MDGA1: variants seen among roughly 807,000 people sequenced by gnomAD.
The protein encoded by MDGA1 is MAM domain-containing glycosylphosphatidylinositol anchor protein 1.
A neutral mutation model predicts 101.5 loss-of-function variants in MDGA1; 54 were observed. That is an observed-to-expected ratio of 0.53 (90% CI 0.43 to 0.67). The LOEUF is 0.67. Among genes scored for constraint, MDGA1 ranks in the 30% least tolerant of loss-of-function variants. The probability of loss-of-function intolerance (pLI) is 0.00; values close to 1 mark genes in which losing one functional copy is unlikely to be tolerated. For synonymous variants in MDGA1, 533 were observed against 558.3 expected (o/e 0.95, Z 0.64); for missense variants, 1,083 against 1,323.8 (o/e 0.82, Z 2.82).
Position 37,664,097 on chromosome 6 carries a change from T to C in MDGA1, c.77A>G (p.Gln26Arg). ...CTGGCCCGCATGCACGATCTGCGCC[T>C]GGGCTGGAGCTGGCAGGAGAGGATG... Reference protein sequence around the residue: ...CRGQGVYAPAQAQIVHAGQAC... With the variant: ...CRGQGVYAPARAQIVHAGQAC... Residue 26 changes from glutamine (Q) to arginine (R), a missense_variant, in exon 2 of 17, where the codon CAG becomes CGG. Coordinates refer to ENST00000434837, the MANE Select transcript of MDGA1 (RefSeq NM_153487.4). 1 of 1,613,858 alleles carries C rather than the reference T, an allele frequency of 6.2e-7. No individual in the cohort carries two copies. The highest frequency in any genetic ancestry group is 8.5e-7 in the Non-Finnish European group (1 of 1,179,854).
At chr6:37,642,149 A>G (rs996668514) in intron 14 of MDGA1, among the ~76,000 whole-genome samples, 9 of 140,530 alleles carry the variant, frequency 6.4e-5, no homozygotes, top group South Asian at 2.2e-4. Flanking sequence ...ATATATATGT[A>G]TATATATATA....
At chr6:37,685,917 G>A (rs1762187754) in intron 1 of MDGA1, among the ~76,000 whole-genome samples, 1 of 152,100 alleles carries the variant, frequency 6.6e-6, no homozygotes, top group Non-Finnish European at 1.5e-5. Flanking sequence ...GGCAGAGTGG[G>A]GTGAGTGAGG....
rs1762438007 is a variant in MDGA1 at position 37,697,065 on chromosome 6, C to G, written c.-254G>C. 1 of 377,282 alleles carries G rather than the reference C, an allele frequency of 2.7e-6. No individual in the cohort carries two copies. Among genetic ancestry groups the G allele is most frequent in the Non-Finnish European group, 4.7e-6 (1 of 213,918 alleles). The allele number at this position is 377,282 out of a possible 1,614,324, so 23.4% of individuals were successfully genotyped here. A position where few individuals can be genotyped will look rare whatever the true frequency, so the allele number is the denominator to read the frequency against. On this transcript the variant is annotated 5_prime_UTR_variant, in exon 1 of 17. Coordinates refer to ENST00000434837, the MANE Select transcript of MDGA1 (RefSeq NM_153487.4). ...CCCGGGTGCCTCGGCGCGCCCGGCA[C>G]AGCAGCCAGCGCCCCGACCCGAGGA...
rs577691849 is a variant in MDGA1 at position 37,656,573 on chromosome 6, A to AGAC, written c.383-678_383-677insGTC. ...TTTTTTGTACAGACAGGGTTTCACC[A>AGAC]TATTGCCCAGACTGTTCTTGAGCTC... On this transcript the variant is annotated intron_variant, in intron 3 of 16. Transcript: ENST00000434837. Among the ~76,000 whole-genome samples the AGAC allele has an allele frequency of 2.0e-3, 302 of 151,598 alleles. 2 individuals carry two copies. The highest frequency in any genetic ancestry group is 6.8e-3 in the African/African-American group (280 of 41,322).
At chr6:37,667,147 G>A (rs991172667) in intron 1 of MDGA1, among the ~76,000 whole-genome samples, 3 of 152,234 alleles carry the variant, frequency 2.0e-5, no homozygotes, top group Admixed American at 2.0e-4. Context: ...CCGGCAGCAG[G>A]TCGATAAACT....
chr6:37,638,348 G>T lies in MDGA1; in HGVS notation c.2668-35C>A. On this transcript the variant is annotated intron_variant, in intron 15 of 16. Coordinates refer to ENST00000434837, the MANE Select transcript of MDGA1 (RefSeq NM_153487.4). This position sits in a 1 kb window ranked among gnomAD's most constrained non-coding sequence, Gnocchi z 4.8. ...GGTCAGAAAGCAAGGAGCAAGGGTT[G>T]AGGAGGTTCTGCTGGGTACCAGAGT... 2 of 1,564,640 alleles carry T rather than the reference G, an allele frequency of 1.3e-6. No individual in the cohort carries two copies. Among genetic ancestry groups the T allele is most frequent in the Non-Finnish European group, 8.7e-7 (1 of 1,148,480 alleles).
intron 10 of MDGA1, among the ~76,000 whole-genome samples, chr6:37,646,908 T>G (rs866456759): frequency 3.3e-5 from 5 of 152,028 alleles, no homozygotes; most frequent in Admixed American, 6.6e-5. Flanking sequence ...GCTGGCTCCC[T>G]CCCCCACGAA....
intron 1 of MDGA1, among the ~76,000 whole-genome samples, chr6:37,673,950 G>C (rs1761924867): frequency 6.6e-6 from 1 of 152,084 alleles, no homozygotes; most frequent in Non-Finnish European, 1.5e-5. Context: ...TGTCCTCCCA[G>C]TCCCTCAAAG....
Position 37,664,012 on chromosome 6 carries a change from G to T in MDGA1, c.162C>A (p.Asp54Glu). ...SERVYTIREG[D>E]TLMLQCLVTG... ...TTACAAGGCACTGCAGCATGAGGGTGTCCCCCTCCCGGATGGTGTAGACAC... is the reference window on the plus strand; with the variant it reads ...TTACAAGGCACTGCAGCATGAGGGTTTCCCCCTCCCGGATGGTGTAGACAC... The change falls in exon 2 of 17, where the codon GAC becomes GAA. Residue 54 changes from aspartate (D) to glutamate (E), a missense_variant. Transcript: ENST00000434837. 1.9e-6 allele frequency: 3 copies of T among 1,613,994 alleles called. No individual in the cohort carries two copies. Among genetic ancestry groups the T allele is most frequent in the Non-Finnish European group, 2.5e-6 (3 of 1,179,866 alleles).
chr6:37,694,708 C>T (rs951077711), intron 1 of MDGA1, among the ~76,000 whole-genome samples: 1 of 152,100 alleles, frequency 6.6e-6, no homozygotes, highest in African/African-American at 2.4e-5. Context: ...TCATCCACCT[C>T]AATAAAGACT....
intron 1 of MDGA1, among the ~76,000 whole-genome samples, chr6:37,671,765 G>C (rs1761873454): frequency 6.6e-6 from 1 of 152,204 alleles, no homozygotes; most frequent in Non-Finnish European, 1.5e-5. Flanking sequence ...ATGCCCAGCT[G>C]CTATAGCCAC....
chr6:37,664,349 C>T (rs1761695040), intron 1 of MDGA1: 2 of 508,090 alleles, frequency 3.9e-6, no homozygotes, highest in Non-Finnish European at 7.1e-6. Context: ...CTGTGCTTTT[C>T]AGTGGGCTGA....
At position 37,647,329 on chromosome 6, in the gene MDGA1, G is replaced by C. The variant is rs1048774724; in HGVS notation, c.1895-5C>G. On this transcript the variant is annotated splice_region_variant and splice_polypyrimidine_tract_variant and intron_variant, in intron 9 of 16. Coordinates refer to ENST00000434837, the MANE Select transcript of MDGA1 (RefSeq NM_153487.4). ...ACTCCGGGCTGTAGGCTTTGGCTAAGAGGGCGGGGAGGGGGGCATTGGGCC... is the reference window on the plus strand; with the variant it reads ...ACTCCGGGCTGTAGGCTTTGGCTAACAGGGCGGGGAGGGGGGCATTGGGCC... 37 of 1,526,218 alleles carry C rather than the reference G, an allele frequency of 2.4e-5. No homozygotes were observed. Among genetic ancestry groups the C allele is most frequent in the Non-Finnish European group, 3.3e-5 (37 of 1,131,026 alleles). The allele number at this position is 1,526,218 out of a possible 1,614,324, so 94.5% of individuals were successfully genotyped here.
intron 1 of MDGA1, among the ~76,000 whole-genome samples, chr6:37,695,183 C>T (rs1006296865): frequency 5.3e-5 from 8 of 152,214 alleles, no homozygotes; most frequent in South Asian, 4.1e-4. Flanking sequence ...GAAGGGCTCT[C>T]CATCACCCTC....
chr6:37,633,408 G>GA lies in MDGA1; in HGVS notation c.*3959dup, dbSNP rs1355525390. 1 of 152,276 alleles carries GA rather than the reference G, an allele frequency of 6.6e-6. No homozygotes were observed. Among genetic ancestry groups the GA allele is most frequent in the Non-Finnish European group, 1.5e-5 (1 of 68,114 alleles). The allele number at this position is 152,276 out of a possible 1,614,324, so 9.4% of individuals were successfully genotyped here. A position where few individuals can be genotyped will look rare whatever the true frequency, so the allele number is the denominator to read the frequency against. ...CCCAGCCCCTCAAGCTGCCCAGCGA[G>GA]AAAAAACACAAGGATTCTGCACGCC... On this transcript the variant is annotated 3_prime_UTR_variant, in exon 17 of 17. Transcript: ENST00000434837.
At position 37,637,117 on chromosome 6, in the gene MDGA1, G is replaced by A. The variant is rs919005342; in HGVS notation, c.*251C>T. ...GTGCTGGCAGGTCAGATAGAAACTT[G>A]TGCTTTAATATATCTCTGTGTGTGT... is the stretch of plus-strand genomic sequence containing the variant. On this transcript the variant is annotated 3_prime_UTR_variant, in exon 17 of 17. Transcript: ENST00000434837. The A allele has an allele frequency of 7.3e-6, 3 of 412,860 alleles. No homozygotes were observed. The highest frequency in any genetic ancestry group is 6.3e-4 in the Middle Eastern group (1 of 1,594). 25.6% of individuals were successfully genotyped at this position (412,860 alleles called of 1,614,324 possible).
At chr6:37,642,613 G>C (rs748925621) in intron 14 of MDGA1, among the ~76,000 whole-genome samples, 24 of 152,144 alleles carry the variant, frequency 1.6e-4, no homozygotes, top group Non-Finnish European at 5.9e-5. Context: ...TTTGTGAAAT[G>C]TATTACCTTT....
chr6:37,666,997 G>A (rs892435981), intron 1 of MDGA1, among the ~76,000 whole-genome samples: 1 of 152,240 alleles, frequency 6.6e-6, no homozygotes, highest in African/African-American at 2.4e-5. Flanking sequence ...CACAACGGTA[G>A]ATGTGATGAT....
chr6:37,691,417 T>C (rs1471333878), intron 1 of MDGA1, among the ~76,000 whole-genome samples: 1 of 152,218 alleles, frequency 6.6e-6, no homozygotes, highest in Admixed American at 6.5e-5. Flanking sequence ...TGGTAAGTCA[T>C]GTGGCACTTA....
Sources: gnomAD v4.1 joint callset for allele counts (sites outside exome capture counted in the v4.1 genomes callset) on GRCh38, gnomAD v4.1.1 for gene constraint, Gnocchi (gnomAD v3.1) non-coding constraint, MANE v1.5 for transcripts, NCBI Gene and HGNC (gene_info 2026-07-23, HGNC 2026-07-21) for gene names.